Variants in CPSF6 observed in about 807,000 individuals in gnomAD.
The protein encoded by CPSF6 is cleavage and polyadenylation specific factor 6.
Under a neutral mutation model 56.7 loss-of-function variants are expected in CPSF6, and 10 were observed. The observed-to-expected ratio is 0.18, with a 90% confidence interval of 0.11 to 0.30. The LOEUF (loss-of-function observed/expected upper bound fraction) is 0.30. CPSF6 is among the 10% of genes least tolerant of loss of function. The probability of loss-of-function intolerance (pLI) is 1.00; values close to 1 mark genes in which losing one functional copy is unlikely to be tolerated. For synonymous variants in CPSF6, 248 were observed against 244.8 expected, an observed-to-expected ratio of 1.01 and a Z score of -0.12; for missense variants, 419 against 722.9, an observed-to-expected ratio of 0.58 and a Z score of 4.82.
At chr12:69,241,670 A>AGAT (rs2120401179) in intron 1 of CPSF6, among the ~76,000 whole-genome samples, 1 of 152,298 alleles carries the variant, frequency 6.6e-6, no homozygotes, top group East Asian at 1.9e-4. Context: ...AGGTAAAAAG[A>AGAT]GATTAGTTTT....
chr12:69,267,980 TTAAA>T (rs1687474908), intron 9 of CPSF6, among the ~76,000 whole-genome samples: 1 of 151,792 alleles, frequency 6.6e-6, no homozygotes. Context: ...TGCTATGACT[TTAAA>T]TAGTTTTTCC....
chr12:69,250,846 C>G (rs927649160), intron 1 of CPSF6, among the ~76,000 whole-genome samples: 1 of 152,114 alleles, frequency 6.6e-6, no homozygotes, highest in African/African-American at 2.4e-5. Context: ...AGGGCTTCAT[C>G]ATGTTGGCTA....
intron 9 of CPSF6, among the ~76,000 whole-genome samples, chr12:69,262,983 G>T (rs912676155): frequency 3.3e-5 from 5 of 151,898 alleles, no homozygotes; most frequent in Non-Finnish European, 7.4e-5. Context: ...TACTATTTTT[G>T]AACTAGTTTT....
Position 69,244,542 on chromosome 12 carries a change from A to T in CPSF6, c.60+4836A>T, listed in dbSNP as rs532980409. Among the ~76,000 whole-genome samples the T allele has an allele frequency of 3.3e-5, 5 of 149,416 alleles. No individual in the cohort carries two copies. In the East Asian group the frequency reaches 5.9e-4, roughly 18 times the overall value. On this transcript the variant is annotated intron_variant, in intron 1 of 9. Coordinates refer to ENST00000435070, the MANE Select transcript of CPSF6 (RefSeq NM_007007.3). The stretch of plus-strand genomic sequence containing the variant: ...CTGGGCCTAAACTTTTTTCTATTAA[A>T]TTTTTTTTTTTAACTTTTAAAATTA...
chr12:69,258,144 AG>A lies in CPSF6; in HGVS notation c.694+241del. 5 of 1,504,358 alleles carry A rather than the reference AG, an allele frequency of 3.3e-6. No individual in the cohort carries two copies. The highest frequency in any genetic ancestry group is 4.5e-6 in the Non-Finnish European group (5 of 1,119,258). The allele number at this position is 1,504,358 out of a possible 1,614,324, so 93.2% of individuals were successfully genotyped here. A position where few individuals can be genotyped will look rare whatever the true frequency, so the allele number is the denominator to read the frequency against. On this transcript the variant is annotated intron_variant, in intron 5 of 9. Coordinates refer to ENST00000435070, the MANE Select transcript of CPSF6 (RefSeq NM_007007.3). This position sits in a 1 kb window ranked among gnomAD's most constrained non-coding sequence, Gnocchi z 4.2. ...AGGAAATACCCATTTTTGGCCTAAA[AG>A]GTCTTTATTTTTCTCCAAACTTGCT...
chr12:69,273,305 A>T lies in CPSF6; in HGVS notation c.*3797A>T. On this transcript the variant is annotated 3_prime_UTR_variant, in exon 10 of 10. Coordinates refer to ENST00000435070, the MANE Select transcript of CPSF6 (RefSeq NM_007007.3). Reference sequence around the variant, plus strand: ...TTTAGAATTTCAGGTTGTGGCATTCACTGAGTATGCAGCTACTATGGTTTT... The same window carrying T: ...TTTAGAATTTCAGGTTGTGGCATTCTCTGAGTATGCAGCTACTATGGTTTT... 1 of 333,150 alleles carries T rather than the reference A, an allele frequency of 3.0e-6. No homozygotes were observed. The highest frequency in any genetic ancestry group is 6.2e-6 in the Non-Finnish European group (1 of 162,540). The allele number at this position is 333,150 out of a possible 1,614,324, so 20.6% of individuals were successfully genotyped here.
At position 69,253,159 on chromosome 12, in the gene CPSF6, GTT is replaced by G; in HGVS notation, c.374+14_374+15del. On this transcript the variant is annotated splice_donor_region_variant and intron_variant, in intron 3 of 9. Transcript: ENST00000435070. ...GGCAAATGGCCAGTCAAAGGGGTAA[GTT>G]TTTTTTTTCTTTCTTTTTGATTTAG... The G allele has an allele frequency of 2.4e-6, 3 of 1,266,024 alleles. No homozygotes were observed. Among genetic ancestry groups the G allele is most frequent in the Admixed American group, 2.3e-5 (1 of 42,792 alleles). The allele number at this position is 1,266,024 out of a possible 1,614,324, so 78.4% of individuals were successfully genotyped here.
intron 9 of CPSF6, among the ~76,000 whole-genome samples, chr12:69,265,519 A>G (rs7308481): frequency 0.35 from 53,044 of 151,368 alleles, 10,493 homozygotes; most frequent in Non-Finnish European, 0.45. Context: ...AGGTTTTACA[A>G]TTCTCAAATC....
chr12:69,263,424 T>C (rs1872835094), intron 9 of CPSF6, among the ~76,000 whole-genome samples: 1 of 152,020 alleles, frequency 6.6e-6, no homozygotes, highest in East Asian at 1.9e-4. Flanking sequence ...TTTTTTATAT[T>C]TGTTAATAGC....
chr12:69,266,362 A>G (rs537113963), intron 9 of CPSF6, among the ~76,000 whole-genome samples: 89 of 152,280 alleles, frequency 5.8e-4, no homozygotes, highest in Admixed American at 4.2e-3. Context: ...ACTTAATTGA[A>G]GTTACAAGAG....
chr12:69,245,012 G>A (rs928245525), intron 1 of CPSF6, among the ~76,000 whole-genome samples: 1 of 151,220 alleles, frequency 6.6e-6, no homozygotes, highest in Non-Finnish European at 1.5e-5. Flanking sequence ...TAATCCCAGT[G>A]CTTTGAGAGC....
At chr12:69,262,634 T>G in intron 9 of CPSF6, 72 bp downstream of exon 9, 1 of 1,477,782 alleles carries the variant, frequency 6.8e-7, no homozygotes, top group East Asian at 2.5e-5. Flanking sequence ...GGCTACTGTT[T>G]ATACAGTATA....
Position 69,258,148 on chromosome 12 carries a change from C to A in CPSF6, c.694+243C>A. The A allele has an allele frequency of 6.9e-7, 1 of 1,457,006 alleles. No homozygotes were observed. Among genetic ancestry groups the A allele is most frequent in the South Asian group, 1.2e-5 (1 of 81,892 alleles). 90.3% of individuals were successfully genotyped at this position (1,457,006 alleles called of 1,614,324 possible). On this transcript the variant is annotated intron_variant, in intron 5 of 9. Coordinates refer to ENST00000435070, the MANE Select transcript of CPSF6 (RefSeq NM_007007.3). The surrounding 1 kb of genome is among the most constrained non-coding windows in gnomAD (Gnocchi z 4.2). ...AATACCCATTTTTGGCCTAAAAGGT[C>A]TTTATTTTTCTCCAAACTTGCTTGA...
At chr12:69,261,206 C>T (rs1872728252) in intron 8 of CPSF6, among the ~76,000 whole-genome samples, 1 of 152,040 alleles carries the variant, frequency 6.6e-6, no homozygotes, top group Admixed American at 6.5e-5. Context: ...TAATTATTAC[C>T]TTTTTGACCC....
At chr12:69,244,320 C>G (rs912181951) in intron 1 of CPSF6, among the ~76,000 whole-genome samples, 5 of 152,116 alleles carry the variant, frequency 3.3e-5, no homozygotes, top group Admixed American at 3.3e-4. Flanking sequence ...ACCGCAACCT[C>G]TGCCTCCTGG....
chr12:69,264,072 TG>T (rs1310849529), intron 9 of CPSF6, among the ~76,000 whole-genome samples: 3 of 152,104 alleles, frequency 2.0e-5, no homozygotes, highest in Admixed American at 1.3e-4. Context: ...ATTTTAAAGA[TG>T]TAGCACTTTT....
At chr12:69,254,682 T>C (rs919904510) in intron 3 of CPSF6, among the ~76,000 whole-genome samples, 13 of 152,178 alleles carry the variant, frequency 8.5e-5, no homozygotes, top group African/African-American at 3.1e-4. Context: ...TAGTTTTTTC[T>C]AAATGTTGTG....
chr12:69,256,843 G>C lies in CPSF6; in HGVS notation c.520+1G>C. Reference sequence around the variant, plus strand: ...CAATTTGAAATGCAGTCCAGGAAAAGTAAGCAGTCCTCAGAGGCTTTTATT... The same window carrying C: ...CAATTTGAAATGCAGTCCAGGAAAACTAAGCAGTCCTCAGAGGCTTTTATT... On this transcript the variant is annotated splice_donor_variant, in intron 4 of 9. Transcript: ENST00000435070. LOFTEE classifies it high-confidence loss of function. 1 of 1,604,560 alleles carries C rather than the reference G, an allele frequency of 6.2e-7. No homozygotes were observed. Among genetic ancestry groups the C allele is most frequent in the Non-Finnish European group, 8.5e-7 (1 of 1,176,858 alleles).
rs1229092293 is a variant in CPSF6 at position 69,272,075 on chromosome 12, A to T, written c.*2567A>T. ...TGAATGGTACTGCTTCTGAGGCAAC[A>T]CTTTGGATTGAAAGTGCTGCTTTTG... is the stretch of plus-strand genomic sequence containing the variant. On this transcript the variant is annotated 3_prime_UTR_variant, in exon 10 of 10. Transcript: ENST00000435070. 6.6e-6 allele frequency: 1 copy of T among 151,608 alleles called. No homozygotes were observed. Among genetic ancestry groups the T allele is most frequent in the African/African-American group, 2.4e-5 (1 of 41,390 alleles). 9.4% of individuals were successfully genotyped at this position (151,608 alleles called of 1,614,324 possible).
Sources: allele counts gnomAD v4.1 joint callset (sites outside exome capture counted in the v4.1 genomes callset), GRCh38; gene constraint gnomAD v4.1.1; non-coding constraint Gnocchi (gnomAD v3.1); transcripts MANE v1.5; gene names NCBI Gene and HGNC (gene_info 2026-07-23, HGNC 2026-07-21).